TOGARAM2: variants seen among roughly 807,000 people sequenced by gnomAD.
TOGARAM2 encodes the protein TOG array regulator of axonemal microtubules 2.
A neutral mutation model predicts 93.3 loss-of-function variants in TOGARAM2; 85 were observed. The ratio of observed to expected loss-of-function variants is 0.91; its 90% CI spans 0.76 to 1.09. The LOEUF (loss-of-function observed/expected upper bound fraction) is 1.09. Among genes scored for constraint, TOGARAM2 ranks in the 50% least tolerant of loss-of-function variants. TOGARAM2 has a pLI of 0.00. For missense variants in TOGARAM2, 1,277 were observed against 1,334.5 expected, an observed-to-expected ratio of 0.96 and a Z score of 0.67; for synonymous variants, 593 against 552.8, an observed-to-expected ratio of 1.07 and a Z score of -1.02.
chr2:29,032,004 T>C (rs573500577), intron 14 of TOGARAM2, among the ~76,000 whole-genome samples: 163 of 152,370 alleles, frequency 1.1e-3, no homozygotes, highest in African/African-American at 3.8e-3. Context: ...TTATCCTCAC[T>C]GTACTGCCTG....
At position 29,044,194 on chromosome 2, in the gene TOGARAM2, G is replaced by A. The variant is rs185123669; in HGVS notation, c.2636-1130G>A. Among the ~76,000 whole-genome samples, 54 of 152,252 alleles carry A rather than the reference G, an allele frequency of 3.5e-4. 1 individual carries two copies. The East Asian group carries it at 8.7e-3, about 25-fold the overall frequency. ...GGTTGGTGGAGCTGGGATTGGGGGC[G>A]GGCACACTGGGACAATTTTTTCAAA... On this transcript the variant is annotated intron_variant, in intron 18 of 19. Transcript: ENST00000379558.
chr2:29,028,111 C>T (rs1572747094), intron 14 of TOGARAM2, among the ~76,000 whole-genome samples: 2 of 152,272 alleles, frequency 1.3e-5, no homozygotes, highest in South Asian at 4.1e-4. Context: ...GAGCCCAGTT[C>T]CTCACACTCC....
At chr2:29,002,393 G>C in intron 4 of TOGARAM2, 143 bp from the exon 5 acceptor site, 2 of 684,734 alleles carry the variant, frequency 2.9e-6, no homozygotes, top group Non-Finnish European at 4.9e-6. Context: ...TCTACCAGTG[G>C]TGGGGTTGGG....
At chr2:28,966,062 C>T (rs1284691165) in intron 1 of TOGARAM2, among the ~76,000 whole-genome samples, 1 of 151,934 alleles carries the variant, frequency 6.6e-6, no homozygotes, top group East Asian at 1.9e-4. Flanking sequence ...CCCTCTGCCT[C>T]CCAGGCTGGA....
intron 17 of TOGARAM2, 116 bp downstream of exon 17, chr2:29,035,772 C>A: frequency 9.4e-7 from 1 of 1,061,380 alleles, no homozygotes; most frequent in Non-Finnish European, 1.2e-6. Flanking sequence ...ATGCAGTTGG[C>A]CTTTGTAACA....
chr2:29,050,944 T>C (rs1429512243), intron 19 of TOGARAM2: 1 of 152,370 alleles, frequency 6.6e-6, no homozygotes, highest in East Asian at 1.9e-4. Flanking sequence ...TTAGAGAGGG[T>C]TGGGGGCCTT....
At chr2:28,958,570 G>A (rs1427985629) in intron 1 of TOGARAM2, among the ~76,000 whole-genome samples, 1 of 152,098 alleles carries the variant, frequency 6.6e-6, no homozygotes, top group Non-Finnish European at 1.5e-5. Flanking sequence ...CCCAAATGCT[G>A]GGATTACAGG....
intron 1 of TOGARAM2, 141 bp downstream of exon 1, chr2:28,981,679 T>C (rs2148234372): frequency 6.5e-6 from 1 of 152,828 alleles, no homozygotes; most frequent in African/African-American, 2.4e-5. Flanking sequence ...AAAAGCATCC[T>C]GCTGTGACTT....
At chr2:29,036,801 C>A (rs1390882564) in intron 18 of TOGARAM2, 44 bp downstream of exon 18, 2 of 1,562,462 alleles carry the variant, frequency 1.3e-6, no homozygotes, top group Non-Finnish European at 8.7e-7. Context: ...TCACCATGTC[C>A]ACCCTCCTGC....
intron 18 of TOGARAM2, among the ~76,000 whole-genome samples, chr2:29,042,159 G>A (rs548531299): frequency 2.6e-5 from 4 of 152,354 alleles, no homozygotes; most frequent in Non-Finnish European, 5.9e-5. Flanking sequence ...ATTGAACCTG[G>A]AGGTAACCTG....
intron 9 of TOGARAM2, 119 bp downstream of exon 9, chr2:29,017,423 TA>T: frequency 2.9e-6 from 3 of 1,027,964 alleles, no homozygotes; most frequent in Non-Finnish European, 4.0e-6. Flanking sequence ...TGTATTTATT[TA>T]GAGATGGAGC....
chr2:29,033,893 C>T (rs1020852928), intron 16 of TOGARAM2, among the ~76,000 whole-genome samples: 2 of 152,128 alleles, frequency 1.3e-5, no homozygotes, highest in African/African-American at 4.8e-5. Flanking sequence ...CCAGCAGATC[C>T]TTTAACCACC....
intron 1 of TOGARAM2, among the ~76,000 whole-genome samples, chr2:28,974,143 T>TC (rs1553333697): frequency 6.6e-6 from 1 of 151,092 alleles, no homozygotes; most frequent in Non-Finnish European, 1.5e-5. Flanking sequence ...TTTTTTTTTT[T>TC]CTGAGGCGAA....
chr2:28,999,468 G>T lies in TOGARAM2; in HGVS notation c.427G>T (p.Ala143Ser). The T allele has an allele frequency of 6.3e-7, 1 of 1,597,048 alleles. No homozygotes were observed. The highest frequency in any genetic ancestry group is 1.3e-5 in the African/African-American group (1 of 74,740). ...LSEGLAASSR[A>S]SLDPGGGPQG... ...AGAGGGCTTGGCAGCGTCTTCCCGA[G>T]GTGAGCACTGGCCCCTGCCCACCCC... Residue 143 changes from alanine (A) to serine (S), a missense_variant and splice_region_variant, in exon 4 of 20, where the codon GCC (alanine) becomes TCC (serine). Physicochemically the swap from Ala to Ser is moderately conservative, Grantham distance 99. Coordinates refer to ENST00000379558, the MANE Select transcript of TOGARAM2 (RefSeq NM_199280.4).
chr2:28,986,112 C>CAA (rs34903095), intron 1 of TOGARAM2, among the ~76,000 whole-genome samples: 10 of 95,064 alleles, frequency 1.1e-4, no homozygotes, highest in African/African-American at 8.6e-5. Context: ...AACTGTGTCT[C>CAA]AAAAAAAAAA....
chr2:28,972,965 C>G (rs1572618784), intron 1 of TOGARAM2, among the ~76,000 whole-genome samples: 2 of 152,322 alleles, frequency 1.3e-5, no homozygotes, highest in African/African-American at 2.4e-5. Context: ...AGTGTCCGAG[C>G]CACGTGGCCA....
chr2:29,022,066 G>A lies in TOGARAM2; in HGVS notation c.1361-92G>A, dbSNP rs78632546. The stretch of plus-strand genomic sequence containing the variant: ...TTAGGTGGGCTCAGGGTGGTGGCAC[G>A]GCCTCCCATGGTGAGCGGTGGCAGG... On this transcript the variant is annotated intron_variant, in intron 10 of 19. Coordinates refer to ENST00000379558, the MANE Select transcript of TOGARAM2 (RefSeq NM_199280.4). 0.011 allele frequency: 17,294 copies of A among 1,546,256 alleles called. 1,190 individuals carry two copies. The African/African-American group carries it at 0.18, about 16-fold the overall frequency.
chr2:29,009,584 A>AATC (rs1160745279), intron 6 of TOGARAM2, among the ~76,000 whole-genome samples: 2 of 151,660 alleles, frequency 1.3e-5, no homozygotes, highest in Non-Finnish European at 2.9e-5. Flanking sequence ...ATGTGGGCTG[A>AATC]AGATGGGGGA....
Position 29,032,902 on chromosome 2 carries a change from G to T in TOGARAM2, c.2013-32G>T, listed in dbSNP as rs774855521. ...AAATTTATTTTGCATTTCAGAGGCT[G>T]TTTCTTTATCTTGCTCTCTCTCCTG... On this transcript the variant is annotated intron_variant, in intron 14 of 19. Transcript: ENST00000379558. 10 of 1,582,750 alleles carry T rather than the reference G, an allele frequency of 6.3e-6. No homozygotes were observed. The African/African-American group carries it at 1.3e-4, about 21-fold the overall frequency.
Sources: gnomAD v4.1 joint callset for allele counts (sites outside exome capture counted in the v4.1 genomes callset) on GRCh38, gnomAD v4.1.1 for gene constraint, MANE v1.5 for transcripts, NCBI Gene and HGNC (gene_info 2026-07-23, HGNC 2026-07-21) for gene names.